The following DNAAF11 variants were observed in gnomAD, a reference collection of about 807,000 sequenced individuals.
The protein encoded by DNAAF11 is leucine rich repeat containing 6.
Under a neutral mutation model 60.8 loss-of-function variants are expected in DNAAF11, and 45 were observed. That is an observed-to-expected ratio of 0.74 (90% confidence interval 0.58 to 0.95). The LOEUF (loss-of-function observed/expected upper bound fraction) is 0.95. Ranked by LOEUF, DNAAF11 falls within the 40% of genes least tolerant of loss-of-function variation. The pLI, the probability that DNAAF11 is intolerant of heterozygous loss-of-function variation, is 0.00. For synonymous variants in DNAAF11, 191 were observed against 183.5 expected (o/e 1.04, Z -0.33); for missense variants, 546 against 546.2 (o/e 1.00, Z 0.00).
intron 10 of DNAAF11, among the ~76,000 whole-genome samples, chr8:132,586,329 A>T (rs138393192): frequency 1.3e-5 from 2 of 152,344 alleles, no homozygotes; most frequent in East Asian, 3.9e-4. Flanking sequence ...CACAATAGCT[A>T]CCAGCTGCCT....
chr8:132,669,318 G>A (rs1286576380), intron 1 of DNAAF11, among the ~76,000 whole-genome samples: 1 of 152,194 alleles, frequency 6.6e-6, no homozygotes, highest in African/African-American at 2.4e-5. Flanking sequence ...TTGTCACAGT[G>A]GCAAGGACAC....
rs865950477 is a variant in DNAAF11, at chr8:132,673,109, G to A, written c.10+2375C>T. ...AAAAAGGGTTTGTGGCACAGCAAAA[G>A]AGGACCACTTTCTCCACCCACATCT... On this transcript the variant is annotated intron_variant, in intron 1 of 11. Coordinates refer to ENST00000620350, the MANE Select transcript of DNAAF11 (RefSeq NM_012472.6). 6.6e-5 allele frequency among the ~76,000 whole-genome samples: 10 copies of A among 152,320 alleles called. 1 individual carries two copies. In the Middle Eastern group the frequency reaches 0.017, roughly 259 times the overall value.
chr8:132,577,733 AC>A (rs1814896287), intron 11 of DNAAF11, among the ~76,000 whole-genome samples: 1 of 152,202 alleles, frequency 6.6e-6, no homozygotes, highest in South Asian at 2.1e-4. Context: ...ATTTTGGCTC[AC>A]TGCAACCTCC....
At chr8:132,614,031 T>C (rs1818912586) in intron 8 of DNAAF11, among the ~76,000 whole-genome samples, 1 of 152,238 alleles carries the variant, frequency 6.6e-6, no homozygotes, top group Admixed American at 6.5e-5. Context: ...GGTATTGTTT[T>C]AGGTGTGGAG....
At position 132,602,387 on chromosome 8, in the gene DNAAF11, G is replaced by A. The variant is rs149317819; in HGVS notation, c.1140+7779C>T. 4.6e-5 allele frequency among the ~76,000 whole-genome samples: 7 copies of A among 152,178 alleles called. No homozygotes were observed. The East Asian group carries it at 1.4e-3, about 29-fold the overall frequency. ...CACCCCTTATGTAGGGTTGTGCTGA[G>A]GTATGTGTTTAGCACTGTCTTCTAG... On this transcript the variant is annotated intron_variant, in intron 10 of 11. Coordinates refer to ENST00000620350, the MANE Select transcript of DNAAF11 (RefSeq NM_012472.6).
chr8:132,682,134 T>A, the DNAAF11 span, among the ~76,000 whole-genome samples: 1 of 152,230 alleles, frequency 6.6e-6, no homozygotes, highest in Non-Finnish European at 1.5e-5. Flanking sequence ...TGAATCTGGA[T>A]GTGCTTCTGA....
intron 1 of DNAAF11, 165 bp from the exon 2 acceptor site, chr8:132,661,792 T>C: frequency 1.4e-6 from 1 of 704,900 alleles, no homozygotes; most frequent in African/African-American, 1.8e-5. Context: ...TACCTCCTCC[T>C]GGAGTTTTTG....
intron 10 of DNAAF11, among the ~76,000 whole-genome samples, chr8:132,590,427 C>T (rs1586500050): frequency 6.6e-6 from 1 of 152,338 alleles, no homozygotes; most frequent in African/African-American, 2.4e-5. Context: ...GTGGTAACTT[C>T]CTGATGGTAC....
intron 1 of DNAAF11, among the ~76,000 whole-genome samples, chr8:132,667,816 T>C (rs986334563): frequency 6.6e-6 from 1 of 152,176 alleles, no homozygotes; most frequent in Non-Finnish European, 1.5e-5. Flanking sequence ...ATCAGCAAAA[T>C]GACTTTGCAG....
chr8:132,661,960 A>T (rs1239308323), intron 1 of DNAAF11, among the ~76,000 whole-genome samples: 1 of 152,222 alleles, frequency 6.6e-6, no homozygotes. Flanking sequence ...TGGTGGTACC[A>T]TGTTAAAATG....
intron 3 of DNAAF11, among the ~76,000 whole-genome samples, chr8:132,649,982 T>C (rs1019148263): frequency 6.6e-6 from 1 of 152,166 alleles, no homozygotes; most frequent in African/African-American, 2.4e-5. Flanking sequence ...GATCTAGAAC[T>C]AGAAATACCA....
At chr8:132,678,892 G>T (rs1462366706), upstream of DNAAF11, among the ~76,000 whole-genome samples, 1 of 152,012 alleles carries the variant, frequency 6.6e-6, no homozygotes, top group Non-Finnish European at 1.5e-5. Context: ...GATTTTTCCT[G>T]TGAAATTTTA....
chr8:132,589,721 T>C (rs979328310), intron 10 of DNAAF11, among the ~76,000 whole-genome samples: 1 of 152,208 alleles, frequency 6.6e-6, no homozygotes. Context: ...CATTGGCTAA[T>C]TGTGCTGTTC....
intron 10 of DNAAF11, among the ~76,000 whole-genome samples, chr8:132,602,209 T>A (rs1467301827): frequency 6.6e-6 from 1 of 152,158 alleles, no homozygotes; most frequent in African/African-American, 2.4e-5. Flanking sequence ...TAAACCACTT[T>A]TGTATTTTCT....
chr8:132,696,918 C>A, the DNAAF11 span, among the ~76,000 whole-genome samples: 4 of 152,078 alleles, frequency 2.6e-5, no homozygotes, highest in East Asian at 1.9e-4. Flanking sequence ...GGGAGAGGAG[C>A]AGAAAAAATA....
chr8:132,696,352 A>C, the DNAAF11 span, among the ~76,000 whole-genome samples: 18,938 of 152,244 alleles, frequency 0.12, 1,286 homozygotes, highest in East Asian at 0.25. Context: ...CTGAGAATAC[A>C]TAATAGTACA....
chr8:132,630,258 C>A (rs1479168598), intron 5 of DNAAF11, among the ~76,000 whole-genome samples: 1 of 152,082 alleles, frequency 6.6e-6, no homozygotes, highest in Non-Finnish European at 1.5e-5. Context: ...AAATTAAAAC[C>A]AGGCAGATGT....
At chr8:132,691,403 T>C in the DNAAF11 span, among the ~76,000 whole-genome samples, 2 of 152,186 alleles carry the variant, frequency 1.3e-5, no homozygotes, top group Non-Finnish European at 2.9e-5. Context: ...CCCAGGCTCA[T>C]CTTGTATGTT....
chr8:132,605,468 T>C (rs1818036215), intron 10 of DNAAF11, among the ~76,000 whole-genome samples: 1 of 152,200 alleles, frequency 6.6e-6, no homozygotes, highest in African/African-American at 2.4e-5. Flanking sequence ...TATTAAAATG[T>C]ATTTTAAAGA....
Sources: gnomAD v4.1 joint callset for allele counts (sites outside exome capture counted in the v4.1 genomes callset) on GRCh38, gnomAD v4.1.1 for gene constraint, MANE v1.5 for transcripts, NCBI Gene and HGNC (gene_info 2026-07-23, HGNC 2026-07-21) for gene names.